PRTFDC1: variants seen among roughly 807,000 people sequenced by gnomAD.
PRTFDC1 encodes the protein phosphoribosyl transferase domain containing 1, also known as phosphoribosyltransferase domain-containing protein 1.
Under a neutral mutation model 34.6 loss-of-function variants are expected in PRTFDC1, and 38 were observed. That is an observed-to-expected ratio of 1.10 (90% CI 0.85 to 1.44). The LOEUF (loss-of-function observed/expected upper bound fraction) is 1.44, where lower values mean the gene tolerates loss of function less well. Among genes scored for constraint, PRTFDC1 ranks in the 40% most tolerant of loss-of-function variants. The probability of loss-of-function intolerance (pLI) is 0.00; values close to 1 mark genes in which losing one functional copy is unlikely to be tolerated. For missense variants in PRTFDC1, 270 were observed against 283.0 expected, an observed-to-expected ratio of 0.95 and a Z score of 0.33; for synonymous variants, 93 against 98.1, an observed-to-expected ratio of 0.95 and a Z score of 0.31.
intron 1 of PRTFDC1, among the ~76,000 whole-genome samples, chr10:24,948,200 T>C (rs568415596): frequency 6.6e-6 from 1 of 152,360 alleles, no homozygotes; most frequent in South Asian, 2.1e-4. Flanking sequence ...TTCTGATTTC[T>C]CTCTTCTCCT....
chr10:24,876,268 C>G (rs931349224), intron 3 of PRTFDC1, among the ~76,000 whole-genome samples: 2 of 151,936 alleles, frequency 1.3e-5, no homozygotes, highest in Non-Finnish European at 2.9e-5. Flanking sequence ...GTCTTGGTTA[C>G]TTTTGTACAT....
chr10:24,937,257 A>C lies in PRTFDC1; in HGVS notation c.266T>G (p.Leu89Arg). 1 of 1,614,038 alleles carries C rather than the reference A, an allele frequency of 6.2e-7. No homozygotes were observed. Among genetic ancestry groups the C allele is most frequent in the Non-Finnish European group, 8.5e-7 (1 of 1,179,980 alleles). ...YKFCADLVEH[L>R]KNISRNSDRF... is the part of the protein sequence containing the mutation. Reference sequence around the variant, plus strand: ...ATCTGAATTTCGGCTGATGTTCTTAAGGTGTTCTACGAGATCAGCACAGAA... The same window carrying C: ...ATCTGAATTTCGGCTGATGTTCTTACGGTGTTCTACGAGATCAGCACAGAA... Residue 89 changes from leucine (L) to arginine (R), a missense_variant, in exon 3 of 9, where the codon CTT (leucine) becomes CGT (arginine). Leu to Arg is a moderately radical substitution (Grantham distance 102). Transcript: ENST00000320152.
At chr10:24,938,800 G>A (rs1459027939) in intron 2 of PRTFDC1, among the ~76,000 whole-genome samples, 2 of 152,210 alleles carry the variant, frequency 1.3e-5, no homozygotes, top group Non-Finnish European at 2.9e-5. Context: ...CTGTGTACAT[G>A]TGCAGAGAAG....
At chr10:24,935,523 A>T (rs930896590) in intron 3 of PRTFDC1, among the ~76,000 whole-genome samples, 5 of 152,214 alleles carry the variant, frequency 3.3e-5, no homozygotes, top group African/African-American at 1.2e-4. Context: ...TGAGAGTCAC[A>T]TGAGGAATGT....
intron 3 of PRTFDC1, among the ~76,000 whole-genome samples, chr10:24,884,281 A>T (rs1848129889): frequency 6.6e-6 from 1 of 152,224 alleles, no homozygotes; most frequent in South Asian, 2.1e-4. Flanking sequence ...CAGGAGGATG[A>T]CATGGTGTTG....
chr10:24,939,653 G>T (rs1410716471), intron 2 of PRTFDC1, among the ~76,000 whole-genome samples: 1 of 151,798 alleles, frequency 6.6e-6, no homozygotes, highest in Non-Finnish European at 1.5e-5. Context: ...AATTAGCCAG[G>T]TGTGGTGGTG....
intron 1 of PRTFDC1, among the ~76,000 whole-genome samples, chr10:24,943,861 C>A (rs1564321146): frequency 6.6e-6 from 1 of 152,036 alleles, no homozygotes; most frequent in African/African-American, 2.4e-5. Context: ...CTCAGTTTCC[C>A]ATTCTTTACT....
intron 3 of PRTFDC1, among the ~76,000 whole-genome samples, chr10:24,906,127 G>A (rs1268344205): frequency 3.9e-5 from 6 of 152,250 alleles, no homozygotes; most frequent in South Asian, 4.1e-4. Context: ...CATGCATGGC[G>A]TGCTCCTTCC....
chr10:24,947,723 G>A (rs1849273432), intron 1 of PRTFDC1, among the ~76,000 whole-genome samples: 2 of 151,968 alleles, frequency 1.3e-5, no homozygotes, highest in South Asian at 4.1e-4. Context: ...CTCCCCTGCT[G>A]AGCTCCACAG....
chr10:24,898,286 C>CAAAAA lies in PRTFDC1; in HGVS notation c.340-26228_340-26224dup, dbSNP rs34691185. ...GAAACATGGGGAAATCCCGTCTCTA[C>CAAAAA]AAAAAAAAAAAAAAAAAAAACACAA... On this transcript the variant is annotated intron_variant, in intron 3 of 8. Transcript: ENST00000320152. Among the ~76,000 whole-genome samples the CAAAAA allele has an allele frequency of 1.7e-3, 127 of 75,152 alleles. 1 individual carries two copies. The highest frequency in any genetic ancestry group is 7.7e-3 in the Middle Eastern group (1 of 130). 49.3% of individuals were successfully genotyped at this position (75,152 alleles called of 152,430 possible). A position where few individuals can be genotyped will look rare whatever the true frequency, so the allele number is the denominator to read the frequency against.
At chr10:24,928,671 T>C (rs1848919292) in intron 3 of PRTFDC1, among the ~76,000 whole-genome samples, 1 of 152,032 alleles carries the variant, frequency 6.6e-6, no homozygotes, top group Non-Finnish European at 1.5e-5. Flanking sequence ...CTGGAACTCC[T>C]GACCTCAGGT....
chr10:24,890,463 G>T (rs556515341), intron 3 of PRTFDC1, among the ~76,000 whole-genome samples: 1 of 152,196 alleles, frequency 6.6e-6, no homozygotes, highest in South Asian at 2.1e-4. Flanking sequence ...CAAGGCACGT[G>T]GGTTGTCCAG....
At chr10:24,902,425 C>A (rs1187332449) in intron 3 of PRTFDC1, among the ~76,000 whole-genome samples, 1 of 152,064 alleles carries the variant, frequency 6.6e-6, no homozygotes, top group Non-Finnish European at 1.5e-5. Flanking sequence ...GTCATTGGAA[C>A]CTTGAGCAGG....
intron 4 of PRTFDC1, among the ~76,000 whole-genome samples, chr10:24,864,219 T>C (rs1847736287): frequency 6.6e-6 from 1 of 152,170 alleles, no homozygotes. Context: ...CTGGTGAAGA[T>C]GCTGTGAACA....
Position 24,848,943 on chromosome 10 carries a change from C to T in PRTFDC1, c.*901G>A, listed in dbSNP as rs759375354. The T allele has an allele frequency of 6.6e-6, 1 of 152,202 alleles. No individual in the cohort carries two copies. Among genetic ancestry groups the T allele is most frequent in the Non-Finnish European group, 1.5e-5 (1 of 68,034 alleles). 9.4% of individuals were successfully genotyped at this position (152,202 alleles called of 1,614,324 possible). On this transcript the variant is annotated 3_prime_UTR_variant, in exon 9 of 9. Coordinates refer to ENST00000320152, the MANE Select transcript of PRTFDC1 (RefSeq NM_020200.7). ...AGATATTTTTTAAAAAATTCAACCT[C>T]TGTCTTCACATTTAGGACAGGGCAT...
intron 2 of PRTFDC1, among the ~76,000 whole-genome samples, chr10:24,938,516 G>A (rs1383303752): frequency 6.6e-6 from 1 of 152,188 alleles, no homozygotes; most frequent in African/African-American, 2.4e-5. Flanking sequence ...CCACCAAGGT[G>A]GTGCACTGCC....
chr10:24,889,199 A>G (rs1201272848), intron 3 of PRTFDC1, among the ~76,000 whole-genome samples: 1 of 152,156 alleles, frequency 6.6e-6, no homozygotes, highest in Non-Finnish European at 1.5e-5. Flanking sequence ...GTGAGGACAC[A>G]GCAAGAAGGC....
intron 3 of PRTFDC1, among the ~76,000 whole-genome samples, chr10:24,936,623 C>T (rs61854335): frequency 0.14 from 21,786 of 152,078 alleles, 1,794 homozygotes; most frequent in East Asian, 0.28. Context: ...TTAATTCTGC[C>T]CAGTGGTGCC....
intron 3 of PRTFDC1, chr10:24,908,223 T>TGTTGC (rs1209546189): frequency 1.4e-5 from 5 of 346,846 alleles, no homozygotes; most frequent in Non-Finnish European, 2.7e-5. Flanking sequence ...GATACATTTT[T>TGTTGC]GTTGCGTTGC....
Sources: allele counts gnomAD v4.1 joint callset (sites outside exome capture counted in the v4.1 genomes callset), GRCh38; gene constraint gnomAD v4.1.1; transcripts MANE v1.5; gene names NCBI Gene and HGNC (gene_info 2026-07-23, HGNC 2026-07-21).